The following ZDHHC14 variants were observed in gnomAD, a reference collection of about 807,000 sequenced individuals.
ZDHHC14 encodes palmitoyltransferase ZDHHC14.
A neutral mutation model predicts 47.7 loss-of-function variants in ZDHHC14; 16 were observed. The observed-to-expected ratio is 0.34, with a 90% CI of 0.23 to 0.51. The LOEUF is 0.51. Among genes scored for constraint, ZDHHC14 ranks in the 20% least tolerant of loss-of-function variants. ZDHHC14 has a pLI of 0.97. For missense variants in ZDHHC14, 515 were observed against 662.5 expected (o/e 0.78, Z 2.44); for synonymous variants, 293 against 278.9 (o/e 1.05, Z -0.50).
chr6:157,628,691 C>G (rs1346659453), intron 4 of ZDHHC14: 1 of 614,000 alleles, frequency 1.6e-6, no homozygotes, highest in African/African-American at 1.9e-5. Context: ...CCCCCACTCC[C>G]CACCCCATCT....
At chr6:157,547,115 G>C (rs1422751189) in intron 2 of ZDHHC14, among the ~76,000 whole-genome samples, 1 of 152,230 alleles carries the variant, frequency 6.6e-6, no homozygotes, top group Admixed American at 6.5e-5. Context: ...CCTCCACTCT[G>C]TACATGTTGC....
chr6:157,618,811 T>C (rs928697548), intron 3 of ZDHHC14, among the ~76,000 whole-genome samples: 2 of 152,200 alleles, frequency 1.3e-5, no homozygotes, highest in African/African-American at 2.4e-5. Flanking sequence ...CACACTATAT[T>C]TGGGGAATTG....
At chr6:157,625,546 TC>T in intron 3 of ZDHHC14, among the ~76,000 whole-genome samples, 1 of 152,124 alleles carries the variant, frequency 6.6e-6, no homozygotes, top group South Asian at 2.1e-4. Flanking sequence ...CAACTGATCA[TC>T]AGATGTTGGG....
At chr6:157,453,398 T>A (rs1232514318) in intron 1 of ZDHHC14, among the ~76,000 whole-genome samples, 1 of 152,220 alleles carries the variant, frequency 6.6e-6, no homozygotes, top group Non-Finnish European at 1.5e-5. Context: ...ACTGTTAACT[T>A]TTTCTGTTCT....
At chr6:157,487,512 T>G (rs1394616227) in intron 1 of ZDHHC14, among the ~76,000 whole-genome samples, 2 of 152,194 alleles carry the variant, frequency 1.3e-5, no homozygotes, top group Non-Finnish European at 2.9e-5. Context: ...ATTATGCCAT[T>G]TAATCCTCAT....
chr6:157,474,655 G>T lies in ZDHHC14; in HGVS notation c.246-67930G>T, dbSNP rs902669524. Among the ~76,000 whole-genome samples, 3 of 151,456 alleles carry T rather than the reference G, an allele frequency of 2.0e-5. No individual in the cohort carries two copies. In the Admixed American group the frequency reaches 2.0e-4, roughly 10 times the overall value. On this transcript the variant is annotated intron_variant, in intron 1 of 8. Transcript: ENST00000359775. ...TTGTGGTTTTAATTTGCATTTCCTT[G>T]ATGATTAGAGATATGCAACATTCCT... is the stretch of plus-strand genomic sequence containing the variant.
chr6:157,662,005 G>A (rs549174032), intron 8 of ZDHHC14, among the ~76,000 whole-genome samples: 102 of 151,544 alleles, frequency 6.7e-4, no homozygotes, highest in African/African-American at 2.4e-3. Flanking sequence ...GATAATCTTG[G>A]AAAAGCATAA....
chr6:157,509,855 C>T (rs985234137), intron 1 of ZDHHC14, among the ~76,000 whole-genome samples: 1 of 152,220 alleles, frequency 6.6e-6, no homozygotes, highest in Non-Finnish European at 1.5e-5. Flanking sequence ...AGCAGGACTT[C>T]GAATTGACAG....
intron 1 of ZDHHC14, among the ~76,000 whole-genome samples, chr6:157,519,802 G>T (rs1366622314): frequency 1.3e-5 from 2 of 152,216 alleles, no homozygotes; most frequent in Non-Finnish European, 2.9e-5. Flanking sequence ...TCTGACAGGA[G>T]CCCGTGGCTT....
At chr6:157,516,951 T>C (rs577680406) in intron 1 of ZDHHC14, among the ~76,000 whole-genome samples, 8 of 152,250 alleles carry the variant, frequency 5.3e-5, no homozygotes, top group African/African-American at 1.9e-4. Context: ...TTTTTTATTG[T>C]TTTCATTTCA....
intron 2 of ZDHHC14, among the ~76,000 whole-genome samples, chr6:157,560,344 G>C (rs375802450): frequency 2.0e-5 from 3 of 152,354 alleles, no homozygotes; most frequent in South Asian, 2.1e-4. Context: ...TTATCCCAGA[G>C]AGATGGCCAA....
Position 157,568,049 on chromosome 6 carries a change from C to G in ZDHHC14, c.407-24939C>G, listed in dbSNP as rs540828335. ...AAACATTTTACTCACTTATAACCAG[C>G]CTTTAGGGGAAATAGAGGGGACATC... On this transcript the variant is annotated intron_variant, in intron 2 of 8. Coordinates refer to ENST00000359775, the MANE Select transcript of ZDHHC14 (RefSeq NM_024630.3). Among the ~76,000 whole-genome samples, 5 of 152,212 alleles carry G rather than the reference C, an allele frequency of 3.3e-5. 1 individual carries two copies. In the South Asian group the frequency reaches 1.0e-3, roughly 32 times the overall value.
chr6:157,433,158 T>C (rs570517612), intron 1 of ZDHHC14, among the ~76,000 whole-genome samples: 1 of 152,372 alleles, frequency 6.6e-6, no homozygotes, highest in African/African-American at 2.4e-5. Context: ...CATTTGGGCA[T>C]GAAACCGAGC....
intron 2 of ZDHHC14, among the ~76,000 whole-genome samples, chr6:157,574,636 C>T (rs1445682852): frequency 6.6e-6 from 1 of 152,216 alleles, no homozygotes; most frequent in Non-Finnish European, 1.5e-5. Context: ...CCAAGACTCA[C>T]CCTGGTCACC....
intron 1 of ZDHHC14, among the ~76,000 whole-genome samples, chr6:157,442,106 T>C (rs1778571870): frequency 6.6e-6 from 1 of 152,272 alleles, no homozygotes; most frequent in South Asian, 2.1e-4. Context: ...TTTTGAAAAC[T>C]TCATCTGAGC....
intron 1 of ZDHHC14, among the ~76,000 whole-genome samples, chr6:157,468,306 C>T (rs779735990): frequency 1.3e-5 from 2 of 152,138 alleles, no homozygotes; most frequent in African/African-American, 2.4e-5. Flanking sequence ...GCTCTGAACG[C>T]GGAGGTAGCA....
At chr6:157,447,609 G>T (rs1778708475) in intron 1 of ZDHHC14, among the ~76,000 whole-genome samples, 1 of 152,160 alleles carries the variant, frequency 6.6e-6, no homozygotes, top group African/African-American at 2.4e-5. Context: ...GCCAAGGAAG[G>T]CAGGGCTGCA....
intron 8 of ZDHHC14, among the ~76,000 whole-genome samples, chr6:157,671,433 C>A (rs1778790108): frequency 6.6e-6 from 1 of 152,164 alleles, no homozygotes; most frequent in Non-Finnish European, 1.5e-5. Flanking sequence ...GATTTGCTCA[C>A]CTAATATCCA....
intron 1 of ZDHHC14, among the ~76,000 whole-genome samples, chr6:157,532,828 C>T (rs1308635040): frequency 2.0e-5 from 3 of 152,246 alleles, no homozygotes; most frequent in African/African-American, 7.2e-5. Context: ...AGAGAATATA[C>T]ATTATCGTCA....
Sources: gnomAD v4.1 joint callset for allele counts (sites outside exome capture counted in the v4.1 genomes callset) on GRCh38, gnomAD v4.1.1 for gene constraint, MANE v1.5 for transcripts, NCBI Gene and HGNC (gene_info 2026-07-23, HGNC 2026-07-21) for gene names.